SV2B: variants seen among roughly 807,000 people sequenced by gnomAD.
SV2B encodes solute carrier family 22 member B2.
In SV2B, 41 loss-of-function variants were observed where a neutral mutation model predicts 73.9. That is an observed-to-expected ratio of 0.56 (90% CI 0.43 to 0.72). The LOEUF (loss-of-function observed/expected upper bound fraction) is 0.72, where lower values mean the gene tolerates loss of function less well. Ranked by LOEUF, SV2B falls within the 30% of genes least tolerant of loss-of-function variation. SV2B has a pLI of 0.00. For missense variants in SV2B, 764 were observed against 857.8 expected, an observed-to-expected ratio of 0.89 and a Z score of 1.37; for synonymous variants, 314 against 314.2, an observed-to-expected ratio of 1.00 and a Z score of 0.01.
In SV2B at chr15:91,299,780, G is replaced by A. The variant is rs2049379831; in HGVS notation, c.*7228G>A. The A allele has an allele frequency of 6.6e-6, 1 of 152,198 alleles. No homozygotes were observed. The allele number at this position is 152,198 out of a possible 1,614,324, so 9.4% of individuals were successfully genotyped here. On this transcript the variant is annotated 3_prime_UTR_variant, in exon 13 of 13. Transcript: ENST00000394232. The stretch of plus-strand genomic sequence containing the variant: ...CCACCTCAGCCTCCCGAGTAGCTGG[G>A]ATTACAGGCATGCGCCACCATGCCT...
rs2048982078 is a variant in SV2B, at chr15:91,289,826, C to T, written c.1868+146C>T. Reference sequence around the variant, plus strand: ...CAAACATCTTTTATGTTGAGCTTCTCCTGCATGGTGGATGGCATAGACCTG... The same window carrying T: ...CAAACATCTTTTATGTTGAGCTTCTTCTGCATGGTGGATGGCATAGACCTG... On this transcript the variant is annotated intron_variant, in intron 12 of 12. Coordinates refer to ENST00000394232, the MANE Select transcript of SV2B (RefSeq NM_001323032.3). This position sits in a 1 kb window ranked among gnomAD's most constrained non-coding sequence, Gnocchi z 4.9. The T allele has an allele frequency of 4.0e-6, 4 of 990,796 alleles. No individual in the cohort carries two copies. Among genetic ancestry groups the T allele is most frequent in the South Asian group, 1.8e-5 (1 of 56,804 alleles). The allele number at this position is 990,796 out of a possible 1,614,324, so 61.4% of individuals were successfully genotyped here. A position where few individuals can be genotyped will look rare whatever the true frequency, so the allele number is the denominator to read the frequency against.
chr15:91,159,808 A>C (rs2043646158), intron 1 of SV2B, among the ~76,000 whole-genome samples: 1 of 152,212 alleles, frequency 6.6e-6, no homozygotes, highest in Non-Finnish European at 1.5e-5. Context: ...TAAAATTATC[A>C]CTGTATGCTT....
In SV2B at chr15:91,265,002, A is replaced by G. The variant is rs923622686; in HGVS notation, c.1009-1580A>G. 1.3e-5 allele frequency among the ~76,000 whole-genome samples: 2 copies of G among 152,188 alleles called. No individual in the cohort carries two copies. The highest frequency in any genetic ancestry group is 2.9e-5 in the Non-Finnish European group (2 of 68,036). On this transcript the variant is annotated intron_variant, in intron 6 of 12. Coordinates refer to ENST00000394232, the MANE Select transcript of SV2B (RefSeq NM_001323032.3). This position sits in a 1 kb window ranked among gnomAD's most constrained non-coding sequence, Gnocchi z 4.2. ...TAATGATGTAGAAGTAAATGGCTGG[A>G]TGGGCCAGAAAAAGAAATGAAAAAA...
chr15:91,211,974 AGAATTATTTTT>A (rs1417635142), intron 1 of SV2B, among the ~76,000 whole-genome samples: 1 of 152,148 alleles, frequency 6.6e-6, no homozygotes, highest in Non-Finnish European at 1.5e-5. Context: ...TTCAGCCAGA[AGAATTATTTTT>A]GAATCAACTC....
At chr15:91,143,727 C>T (rs989975014) in intron 1 of SV2B, among the ~76,000 whole-genome samples, 1 of 152,172 alleles carries the variant, frequency 6.6e-6, no homozygotes, top group African/African-American at 2.4e-5. Flanking sequence ...TCTGATGATT[C>T]AGACGATTCT....
intron 2 of SV2B, 102 bp downstream of exon 2, chr15:91,226,816 C>T (rs1455120024): frequency 4.4e-6 from 6 of 1,369,388 alleles, no homozygotes; most frequent in Non-Finnish European, 5.8e-6. Flanking sequence ...TCACAATGTA[C>T]CCATTTTGCT....
chr15:91,176,339 C>T (rs1041351208), intron 1 of SV2B, among the ~76,000 whole-genome samples: 39 of 151,710 alleles, frequency 2.6e-4, no homozygotes, highest in African/African-American at 8.0e-4. Context: ...TGAATAGTGC[C>T]GCAATAAACA....
chr15:91,258,089 T>G lies in SV2B; in HGVS notation c.785-332T>G, dbSNP rs901249194. 3.9e-5 allele frequency among the ~76,000 whole-genome samples: 6 copies of G among 152,220 alleles called. No individual in the cohort carries two copies. The highest frequency in any genetic ancestry group is 1.3e-4 in the Admixed American group (2 of 15,286). On this transcript the variant is annotated intron_variant, in intron 4 of 12. Transcript: ENST00000394232. This position sits in a 1 kb window ranked among gnomAD's most constrained non-coding sequence, Gnocchi z 4.7. ...ATGATTCTGTAGAGATACGGGCTAT[T>G]GTTTCTGTTTGTACTCTTATCCGAG...
intron 1 of SV2B, among the ~76,000 whole-genome samples, chr15:91,143,240 GA>G (rs1231029219): frequency 6.6e-6 from 1 of 152,176 alleles, no homozygotes; most frequent in East Asian, 1.9e-4. Flanking sequence ...CCGCTTGGGG[GA>G]AGGCATTTTC....
intron 1 of SV2B, among the ~76,000 whole-genome samples, chr15:91,116,151 C>G (rs923329170): frequency 2.3e-4 from 35 of 152,144 alleles, no homozygotes; most frequent in Admixed American, 3.3e-4. Context: ...TGCTAAAGAA[C>G]ATGACCTTGC....
chr15:91,282,349 T>C (rs1392195631), intron 10 of SV2B, among the ~76,000 whole-genome samples: 4 of 152,230 alleles, frequency 2.6e-5, no homozygotes, highest in Admixed American at 6.5e-5. Context: ...ATACAAAGAC[T>C]ATTTTAAAAT....
At chr15:91,263,423 CACAGACACACATTAAG>C (rs1371143364) in intron 6 of SV2B, among the ~76,000 whole-genome samples, 2 of 151,676 alleles carry the variant, frequency 1.3e-5, no homozygotes, top group Middle Eastern at 3.2e-3. Flanking sequence ...CACAGAAACA[CACAGACACACATTAAG>C]ACAGACACAC....
At position 91,100,451 on chromosome 15, in the gene SV2B, T is replaced by G. The variant is rs1269454739; in HGVS notation, c.-392+88T>G. Reference sequence around the variant, plus strand: ...GCCAGGGCTCCCAGACTCGCCTGCCTGGGCTGAAATATACACGCTCGCACA... The same window carrying G: ...GCCAGGGCTCCCAGACTCGCCTGCCGGGGCTGAAATATACACGCTCGCACA... On this transcript the variant is annotated intron_variant, in intron 1 of 12. Transcript: ENST00000394232. The surrounding 1 kb of genome is among the most constrained non-coding windows in gnomAD (Gnocchi z 6.4). 1 of 152,344 alleles carries G rather than the reference T, an allele frequency of 6.6e-6. No individual in the cohort carries two copies. The highest frequency in any genetic ancestry group is 1.5e-5 in the Non-Finnish European group (1 of 68,128). 9.4% of individuals were successfully genotyped at this position (152,344 alleles called of 1,614,324 possible). A position where few individuals can be genotyped will look rare whatever the true frequency, so the allele number is the denominator to read the frequency against.
intron 1 of SV2B, among the ~76,000 whole-genome samples, chr15:91,162,987 C>T (rs1284013489): frequency 6.6e-6 from 1 of 151,464 alleles, no homozygotes; most frequent in East Asian, 1.9e-4. Context: ...TTGTTCAATT[C>T]CCACCTATGA....
chr15:91,199,333 A>G (rs1470517016), intron 1 of SV2B, among the ~76,000 whole-genome samples: 1 of 152,132 alleles, frequency 6.6e-6, no homozygotes, highest in Non-Finnish European at 1.5e-5. Flanking sequence ...AAGGGGGCAG[A>G]CCCAGGTCTA....
chr15:91,155,912 T>C (rs1813591628), intron 1 of SV2B, among the ~76,000 whole-genome samples: 1 of 152,054 alleles, frequency 6.6e-6, no homozygotes, highest in Admixed American at 6.6e-5. Flanking sequence ...ACGTGGCCAC[T>C]CTGTAGACTT....
In SV2B at chr15:91,269,227, G is replaced by A. The variant is rs145191560; in HGVS notation, c.1373+622G>A. On this transcript the variant is annotated intron_variant, in intron 9 of 12. Transcript: ENST00000394232. ...CTGGGACAAATGAGATGGGCCATCCGCCCTGTTGTGCTTTAGGAATGCCTC... is the reference window on the plus strand; with the variant it reads ...CTGGGACAAATGAGATGGGCCATCCACCCTGTTGTGCTTTAGGAATGCCTC... 3.9e-5 allele frequency among the ~76,000 whole-genome samples: 6 copies of A among 152,148 alleles called. No individual in the cohort carries two copies. The East Asian group carries it at 5.8e-4, about 15-fold the overall frequency.
At chr15:91,163,070 G>C (rs1016684418) in intron 1 of SV2B, among the ~76,000 whole-genome samples, 1 of 152,070 alleles carries the variant, frequency 6.6e-6, no homozygotes, top group Non-Finnish European at 1.5e-5. Context: ...AGCTTCATCC[G>C]TGTCCCTACA....
At chr15:91,167,045 C>G (rs1282615087) in intron 1 of SV2B, among the ~76,000 whole-genome samples, 1 of 152,070 alleles carries the variant, frequency 6.6e-6, no homozygotes, top group Admixed American at 6.5e-5. Flanking sequence ...GATCTCCTGA[C>G]CTCGTGATCC....
Sources: gnomAD v4.1 joint callset for allele counts (sites outside exome capture counted in the v4.1 genomes callset) on GRCh38, gnomAD v4.1.1 for gene constraint, Gnocchi (gnomAD v3.1) non-coding constraint, MANE v1.5 for transcripts, NCBI Gene and HGNC (gene_info 2026-07-23, HGNC 2026-07-21) for gene names.